GRM7: variants seen among roughly 807,000 people sequenced by gnomAD.
GRM7 encodes glutamate metabotropic receptor 7, also known as metabotropic glutamate receptor 7.
GRM7 carries 35 observed loss-of-function variants against 84.5 expected under a neutral mutation model. That is an observed-to-expected ratio of 0.41 (90% CI 0.32 to 0.55). The LOEUF (loss-of-function observed/expected upper bound fraction) is 0.55, where lower values mean the gene tolerates loss of function less well. GRM7 is among the 20% of genes least tolerant of loss of function. The pLI is 0.19. For synonymous variants in GRM7, 487 were observed against 455.1 expected (o/e 1.07, Z -0.89); for missense variants, 1,003 against 1,194.6 (o/e 0.84, Z 2.36).
At chr3:7,526,798 T>C (rs1373607132) in intron 7 of GRM7, among the ~76,000 whole-genome samples, 2 of 152,004 alleles carry the variant, frequency 1.3e-5, no homozygotes. Flanking sequence ...TTCCCTATTG[T>C]TTATTTTTAT....
At chr3:7,286,885 A>G (rs1699449374) in intron 2 of GRM7, among the ~76,000 whole-genome samples, 1 of 152,206 alleles carries the variant, frequency 6.6e-6, no homozygotes, top group Non-Finnish European at 1.5e-5. Flanking sequence ...TATGCCACAA[A>G]AGACAAATAT....
intron 8 of GRM7, among the ~76,000 whole-genome samples, chr3:7,665,688 AAGTG>A (rs1477166255): frequency 2.0e-5 from 3 of 152,156 alleles, no homozygotes; most frequent in East Asian, 3.9e-4. Flanking sequence ...TTTTAATTGA[AAGTG>A]AGTATCTGTG....
chr3:7,051,634 G>A (rs1417824741), intron 1 of GRM7, among the ~76,000 whole-genome samples: 4 of 151,706 alleles, frequency 2.6e-5, no homozygotes, highest in African/African-American at 9.7e-5. Flanking sequence ...TGGTAACCAG[G>A]ATGTTTTCTT....
intron 2 of GRM7, among the ~76,000 whole-genome samples, chr3:7,242,739 T>A (rs1160486747): frequency 6.6e-6 from 1 of 152,160 alleles, no homozygotes; most frequent in African/African-American, 2.4e-5. Flanking sequence ...AGATTATTTT[T>A]ATGCAAAACA....
chr3:7,005,035 A>T (rs1003008279), intron 1 of GRM7, among the ~76,000 whole-genome samples: 12 of 152,190 alleles, frequency 7.9e-5, no homozygotes, highest in African/African-American at 2.7e-4. Flanking sequence ...ACCCTGTAAG[A>T]AGCTCAGTGG....
chr3:7,154,235 T>C (rs926423014), intron 2 of GRM7, among the ~76,000 whole-genome samples: 3 of 152,144 alleles, frequency 2.0e-5, no homozygotes, highest in Non-Finnish European at 4.4e-5. Flanking sequence ...AACTACCATA[T>C]TGTTTCTCTG....
intron 2 of GRM7, among the ~76,000 whole-genome samples, chr3:7,219,719 A>C (rs549576741): frequency 6.6e-5 from 10 of 152,312 alleles, no homozygotes; most frequent in Admixed American, 4.6e-4. Context: ...AGCAGGCCTA[A>C]AGCAGGTATA....
At chr3:7,354,347 C>T (rs1693292366) in intron 4 of GRM7, among the ~76,000 whole-genome samples, 1 of 152,066 alleles carries the variant, frequency 6.6e-6, no homozygotes, top group Non-Finnish European at 1.5e-5. Context: ...AGTGTTACCT[C>T]ATATCTGACT....
rs869047081 is a variant in GRM7 at position 7,292,726 on chromosome 3, T to TA, written c.737-5947dup. ...TTACATATATTATTTCTTTTTTTTTTAAAAAAAAAAACAAACCATTGAGGC... is the reference window on the plus strand; with the variant it reads ...TTACATATATTATTTCTTTTTTTTTTAAAAAAAAAAAACAAACCATTGAGGC... On this transcript the variant is annotated intron_variant, in intron 2 of 9. Transcript: ENST00000357716. 3.7e-3 allele frequency among the ~76,000 whole-genome samples: 521 copies of TA among 140,810 alleles called. 4 individuals carry two copies. Among genetic ancestry groups the TA allele is most frequent in the South Asian group, 6.5e-3 (29 of 4,436 alleles). 92.4% of individuals were successfully genotyped at this position (140,810 alleles called of 152,430 possible).
intron 1 of GRM7, among the ~76,000 whole-genome samples, chr3:6,983,654 T>TCA (rs1694285542): frequency 1.3e-5 from 2 of 152,202 alleles, no homozygotes; most frequent in African/African-American, 4.8e-5. Context: ...TATTATGAGA[T>TCA]ATTTTTGTTT....
intron 2 of GRM7, among the ~76,000 whole-genome samples, chr3:7,224,112 T>G (rs1383843030): frequency 6.6e-6 from 1 of 152,174 alleles, no homozygotes; most frequent in Non-Finnish European, 1.5e-5. Context: ...ATACATGACA[T>G]CTGGCTATTT....
intron 1 of GRM7, among the ~76,000 whole-genome samples, chr3:6,989,957 A>G (rs939882177): frequency 2.0e-5 from 3 of 152,184 alleles, no homozygotes; most frequent in Non-Finnish European, 4.4e-5. Context: ...GCTTCCCTTT[A>G]TCTTCAGGGC....
intron 5 of GRM7, among the ~76,000 whole-genome samples, chr3:7,445,155 T>G (rs1302669739): frequency 2.0e-5 from 3 of 152,170 alleles, no homozygotes; most frequent in Non-Finnish European, 4.4e-5. Context: ...GAAATTCTGC[T>G]GAAACATTCA....
intron 2 of GRM7, among the ~76,000 whole-genome samples, chr3:7,238,718 C>G (rs1400459651): frequency 1.3e-5 from 2 of 152,000 alleles, no homozygotes; most frequent in African/African-American, 4.8e-5. Context: ...ACACATCTAG[C>G]CCTTTCTATT....
intron 7 of GRM7, among the ~76,000 whole-genome samples, chr3:7,554,942 G>A (rs1414898656): frequency 5.3e-5 from 8 of 152,188 alleles, no homozygotes; most frequent in Non-Finnish European, 1.2e-4. Context: ...GAGTGGCAGT[G>A]GATAGGGAGA....
intron 1 of GRM7, among the ~76,000 whole-genome samples, chr3:6,933,983 G>T (rs1252462701): frequency 2.6e-5 from 4 of 152,172 alleles, no homozygotes; most frequent in African/African-American, 9.7e-5. Context: ...GGACAAGGTT[G>T]GGCTAAGTGA....
intron 8 of GRM7, among the ~76,000 whole-genome samples, chr3:7,659,753 G>C (rs3864074): frequency 6.6e-6 from 1 of 151,962 alleles, no homozygotes; most frequent in African/African-American, 2.4e-5. Context: ...GATAGGAAGA[G>C]AGTGTGGATT....
At chr3:7,658,364 A>G (rs1377312803) in intron 8 of GRM7, among the ~76,000 whole-genome samples, 1 of 152,222 alleles carries the variant, frequency 6.6e-6, no homozygotes, top group Non-Finnish European at 1.5e-5. Context: ...AACTTGAACC[A>G]TTTAGTTTTG....
intron 2 of GRM7, among the ~76,000 whole-genome samples, chr3:7,244,552 T>A (rs975946097): frequency 1.3e-5 from 2 of 152,058 alleles, no homozygotes; most frequent in East Asian, 3.9e-4. Flanking sequence ...GTTAGAAGGA[T>A]TTGGTAAGCA....
Sources: allele counts gnomAD v4.1 joint callset (sites outside exome capture counted in the v4.1 genomes callset), GRCh38; gene constraint gnomAD v4.1.1; transcripts MANE v1.5; gene names NCBI Gene and HGNC (gene_info 2026-07-23, HGNC 2026-07-21).